Variants in PTPRD observed in about 807,000 individuals in gnomAD.
PTPRD encodes receptor-type tyrosine-protein phosphatase delta.
In PTPRD, 34 loss-of-function variants were observed where a neutral mutation model predicts 214.5. The ratio of observed to expected loss-of-function variants is 0.16; its 90% CI spans 0.12 to 0.21. The LOEUF (loss-of-function observed/expected upper bound fraction) is 0.21. Ranked by LOEUF, PTPRD falls within the 10% of genes least tolerant of loss-of-function variation. The pLI is 1.00. For missense variants in PTPRD, 2,545 were observed against 2,398.7 expected, an observed-to-expected ratio of 1.06 and a Z score of -1.27; for synonymous variants, 1,128 against 845.7, an observed-to-expected ratio of 1.33 and a Z score of -5.79.
intron 10 of PTPRD, among the ~76,000 whole-genome samples, chr9:9,026,979 C>G (rs1037738220): frequency 6.6e-6 from 1 of 151,412 alleles, no homozygotes; most frequent in Non-Finnish European, 1.5e-5. Flanking sequence ...CTGTTTGAGC[C>G]TTCTGCTTGA....
At chr9:9,079,498 C>T (rs1482587870) in intron 10 of PTPRD, among the ~76,000 whole-genome samples, 2 of 152,010 alleles carry the variant, frequency 1.3e-5, no homozygotes, top group African/African-American at 2.4e-5. Flanking sequence ...ATCTTCTTTG[C>T]TTTGGATAGA....
At chr9:9,685,304 G>A (rs7856030) in intron 7 of PTPRD, among the ~76,000 whole-genome samples, 21 of 150,410 alleles carry the variant, frequency 1.4e-4, no homozygotes, top group East Asian at 5.9e-4. Flanking sequence ...TAGATTTTAC[G>A]TAAGAATGCA....
chr9:10,070,800 T>C (rs2097993989), intron 3 of PTPRD, among the ~76,000 whole-genome samples: 1 of 151,956 alleles, frequency 6.6e-6, no homozygotes, highest in Non-Finnish European at 1.5e-5. Flanking sequence ...GCCACTATCA[T>C]ATATATTACA....
At chr9:10,118,150 A>G (rs1411168351) in intron 3 of PTPRD, among the ~76,000 whole-genome samples, 1 of 151,966 alleles carries the variant, frequency 6.6e-6, no homozygotes, top group Non-Finnish European at 1.5e-5. Context: ...GAAGCATTAA[A>G]TTAGAGTGTA....
chr9:8,465,713 A>T, intron 31 of PTPRD, 38 bp from the exon 32 acceptor site: 1 of 1,533,290 alleles, frequency 6.5e-7, no homozygotes, highest in South Asian at 1.2e-5. Context: ...AAGAACTGTA[A>T]ATAATAACCC....
chr9:9,266,690 G>T (rs1939901842), intron 9 of PTPRD, among the ~76,000 whole-genome samples: 1 of 151,080 alleles, frequency 6.6e-6, no homozygotes, highest in African/African-American at 2.4e-5. Context: ...AAATTAAACA[G>T]CACACCCCTG....
intron 11 of PTPRD, among the ~76,000 whole-genome samples, chr9:9,018,029 ATTTG>A (rs936958517): frequency 2.6e-5 from 4 of 151,944 alleles, no homozygotes; most frequent in South Asian, 2.1e-4. Context: ...TGTTTACTCT[ATTTG>A]TTTATTTTTA....
chr9:9,695,763 T>C (rs914333278), intron 7 of PTPRD, among the ~76,000 whole-genome samples: 6 of 152,186 alleles, frequency 3.9e-5, no homozygotes, highest in South Asian at 2.1e-4. Context: ...ATGATCATGG[T>C]GATAGATCAT....
At chr9:8,829,206 C>T (rs1447127229) in intron 11 of PTPRD, among the ~76,000 whole-genome samples, 1 of 152,140 alleles carries the variant, frequency 6.6e-6, no homozygotes, top group African/African-American at 2.4e-5. Context: ...TAACCCACAT[C>T]CTTATCAAGA....
chr9:8,366,288 T>C (rs970500563), intron 39 of PTPRD, among the ~76,000 whole-genome samples: 1 of 152,144 alleles, frequency 6.6e-6, no homozygotes, highest in Non-Finnish European at 1.5e-5. Flanking sequence ...TTTTTTAATA[T>C]ACTAGAGATA....
intron 11 of PTPRD, among the ~76,000 whole-genome samples, chr9:8,975,581 G>A (rs1252193946): frequency 6.6e-6 from 1 of 151,832 alleles, no homozygotes; most frequent in East Asian, 1.9e-4. Context: ...GGAAAGGACT[G>A]AGTTTTTTCC....
At chr9:10,401,638 C>T (rs1045467474) in intron 2 of PTPRD, among the ~76,000 whole-genome samples, 1 of 146,308 alleles carries the variant, frequency 6.8e-6, no homozygotes, top group African/African-American at 2.5e-5. Flanking sequence ...ATTAAATTAT[C>T]ATCTAATACT....
chr9:9,656,620 C>A (rs138637864), intron 7 of PTPRD, among the ~76,000 whole-genome samples: 1 of 152,180 alleles, frequency 6.6e-6, no homozygotes, highest in Admixed American at 6.5e-5. Flanking sequence ...GGTTAGGGAG[C>A]AGTGCAGAGG....
intron 7 of PTPRD, among the ~76,000 whole-genome samples, chr9:9,724,031 G>A (rs1036937284): frequency 3.3e-5 from 5 of 151,964 alleles, no homozygotes; most frequent in South Asian, 4.2e-4. Context: ...CCAGTACAAC[G>A]TTGAATAGAA....
At chr9:10,065,141 T>TAGAAAGAAAGAAAGGAAGAAAGAA (rs2097851736) in intron 3 of PTPRD, among the ~76,000 whole-genome samples, 3 of 106,844 alleles carry the variant, frequency 2.8e-5, no homozygotes, top group Admixed American at 2.0e-4. Flanking sequence ...TGACTTGGAT[T>TAGAAAGAAAGAAAGGAAGAAAGAA]AGAAAGAAAG....
At chr9:8,908,777 A>G (rs889758921) in intron 11 of PTPRD, among the ~76,000 whole-genome samples, 3 of 151,594 alleles carry the variant, frequency 2.0e-5, no homozygotes, top group Non-Finnish European at 2.9e-5. Flanking sequence ...AAAAATAATA[A>G]AGAAAATTAT....
intron 11 of PTPRD, among the ~76,000 whole-genome samples, chr9:8,816,115 C>G (rs997181385): frequency 4.6e-5 from 7 of 152,126 alleles, no homozygotes; most frequent in African/African-American, 1.7e-4. Context: ...CTGATTAAAC[C>G]CTTTGTCTCC....
At chr9:8,354,528 G>A (rs2076486485) in intron 39 of PTPRD, among the ~76,000 whole-genome samples, 1 of 152,072 alleles carries the variant, frequency 6.6e-6, no homozygotes, top group Non-Finnish European at 1.5e-5. Context: ...TTTCTTTCCT[G>A]TACTAATCAT....
chr9:10,345,827 G>C (rs2097067607), intron 2 of PTPRD, among the ~76,000 whole-genome samples: 1 of 152,112 alleles, frequency 6.6e-6, no homozygotes, highest in Non-Finnish European at 1.5e-5. Context: ...CTGGATCCTT[G>C]AACAATCGCC....
Sources: allele counts gnomAD v4.1 joint callset (sites outside exome capture counted in the v4.1 genomes callset), GRCh38; gene constraint gnomAD v4.1.1; transcripts MANE v1.5; gene names NCBI Gene and HGNC (gene_info 2026-07-23, HGNC 2026-07-21).